The following RTL9 variants were observed in gnomAD, a reference collection of about 807,000 sequenced individuals.
The protein encoded by RTL9 is retrotransposon Gag like 9.
A neutral mutation model predicts 44.7 loss-of-function variants in RTL9; 19 were observed. That is an observed-to-expected ratio of 0.42 (90% CI 0.30 to 0.62). RTL9 has a LOEUF of 0.62. Ranked by LOEUF, RTL9 falls within the 20% of genes least tolerant of loss-of-function variation. The pLI is 0.16. For missense variants in RTL9, 1,105 were observed against 1,080.6 expected, an observed-to-expected ratio of 1.02 and a Z score of -0.32; for synonymous variants, 407 against 398.9, an observed-to-expected ratio of 1.02 and a Z score of -0.24.
At chrX:110,455,514 C>T in exon 2 of RTL9, 2 of 440,400 alleles carry the variant, frequency 4.5e-6, no homozygotes, top group South Asian at 8.2e-5. Flanking sequence ...CTAAGACCTG[C>T]CCTGACAATC....
intron 1 of RTL9, among the ~76,000 whole-genome samples, chrX:110,387,918 G>A (rs1247108766): frequency 9.7e-6 from 1 of 102,586 alleles, no homozygotes; most frequent in African/African-American, 3.6e-5. Flanking sequence ...CTGGAGTGCG[G>A]TGGTGCGATC....
chrX:110,390,941 A>AT (rs2068489971), intron 1 of RTL9, among the ~76,000 whole-genome samples: 1 of 111,047 alleles, frequency 9.0e-6, no homozygotes, highest in Non-Finnish European at 1.9e-5. Context: ...TCTCATACCC[A>AT]TTTTTTGTCA....
chrX:110,431,908 T>C (rs751025929), intron 1 of RTL9, among the ~76,000 whole-genome samples: 2 of 111,222 alleles, frequency 1.8e-5, no homozygotes, highest in East Asian at 5.7e-4. Flanking sequence ...TAGGTGAGAG[T>C]TGACACTGTC....
At chrX:110,388,440 T>C (rs1459480750) in intron 1 of RTL9, among the ~76,000 whole-genome samples, 2 of 111,833 alleles carry the variant, frequency 1.8e-5, no homozygotes, top group Non-Finnish European at 3.8e-5. Flanking sequence ...GGCAGCTGCT[T>C]GGCATAGATA....
At chrX:110,406,325 C>T (rs1431946362) in intron 1 of RTL9, among the ~76,000 whole-genome samples, 1 of 105,435 alleles carries the variant, frequency 9.5e-6, no homozygotes, top group African/African-American at 3.5e-5. Context: ...TCTCATTGTT[C>T]AACTCCCACT....
At chrX:110,382,014 A>T (rs938166894) in intron 1 of RTL9, among the ~76,000 whole-genome samples, 8 of 111,399 alleles carry the variant, frequency 7.2e-5, no homozygotes, top group Non-Finnish European at 1.3e-4. Flanking sequence ...AATAAAAATT[A>T]AAAAAAATTT....
intron 1 of RTL9, among the ~76,000 whole-genome samples, chrX:110,444,821 C>T (rs1419225990): frequency 1.8e-5 from 2 of 112,109 alleles, no homozygotes; most frequent in Admixed American, 9.4e-5. Flanking sequence ...AGAATCTCTC[C>T]GAGGATTGAC....
At chrX:110,382,498 A>G (rs920791723) in intron 1 of RTL9, among the ~76,000 whole-genome samples, 12 of 111,466 alleles carry the variant, frequency 1.1e-4, no homozygotes, top group African/African-American at 3.9e-4. Context: ...AACTAAAAGG[A>G]AAAATAGAAA....
At chrX:110,447,015 C>T (rs2068911565), upstream of RTL9, among the ~76,000 whole-genome samples, 1 of 108,928 alleles carries the variant, frequency 9.2e-6, no homozygotes, top group South Asian at 4.0e-4. Flanking sequence ...AGCACAGGGC[C>T]TGGCACAGTA....
intron 1 of RTL9, among the ~76,000 whole-genome samples, chrX:110,427,279 C>G (rs1426828470): frequency 8.9e-6 from 1 of 112,049 alleles, no homozygotes; most frequent in African/African-American, 3.2e-5. Flanking sequence ...TTTCACACCT[C>G]CATCCCCTCC....
At chrX:110,403,192 A>AC (rs2068576456) in intron 1 of RTL9, among the ~76,000 whole-genome samples, 1 of 111,115 alleles carries the variant, frequency 9.0e-6, no homozygotes, top group Non-Finnish European at 1.9e-5. Context: ...GAGATGTGAC[A>AC]CCCCCCAGCC....
intron 1 of RTL9, among the ~76,000 whole-genome samples, chrX:110,398,453 A>G (rs1256479393): frequency 8.9e-6 from 1 of 112,539 alleles, no homozygotes; most frequent in African/African-American, 3.2e-5. Context: ...ATACTTTTAG[A>G]TTTACAGGAC....
At chrX:110,405,789 G>A (rs749551938) in intron 1 of RTL9, among the ~76,000 whole-genome samples, 11 of 111,823 alleles carry the variant, frequency 9.8e-5, no homozygotes, top group Non-Finnish European at 1.3e-4. Flanking sequence ...CACCCAGCTA[G>A]TAAGTGGAGG....
chrX:110,452,524 C>T, exon 1 of RTL9: 1 of 1,211,760 alleles, frequency 8.3e-7, no homozygotes, highest in Non-Finnish European at 1.1e-6. Flanking sequence ...ACAACCACAG[C>T]TTCTGAAGCA....
At chrX:110,401,973 T>C (rs987470405) in intron 1 of RTL9, among the ~76,000 whole-genome samples, 2 of 112,269 alleles carry the variant, frequency 1.8e-5, no homozygotes, top group African/African-American at 6.5e-5. Context: ...GTTTCTCTTT[T>C]CCTCTTCTCA....
intron 1 of RTL9, among the ~76,000 whole-genome samples, chrX:110,422,755 T>G (rs1036836446): frequency 8.9e-6 from 1 of 112,109 alleles, no homozygotes; most frequent in African/African-American, 3.2e-5. Flanking sequence ...CTCTGATGGC[T>G]TTAATTCACA....
chrX:110,359,594 T>A (rs755569621), intron 1 of RTL9, among the ~76,000 whole-genome samples: 2 of 111,689 alleles, frequency 1.8e-5, no homozygotes, highest in South Asian at 7.5e-4. Context: ...TTCTTGTCCA[T>A]TGCACCATCT....
intron 1 of RTL9, among the ~76,000 whole-genome samples, chrX:110,393,500 G>A (rs758596566): frequency 1.8e-5 from 2 of 111,685 alleles, no homozygotes; most frequent in South Asian, 7.7e-4. Context: ...ACACAACCAG[G>A]AAGAGCAGAA....
chrX:110,408,408 C>A (rs773541989), intron 1 of RTL9, among the ~76,000 whole-genome samples: 1 of 112,576 alleles, frequency 8.9e-6, no homozygotes, highest in Admixed American at 9.4e-5. Flanking sequence ...TGTTCTCCAA[C>A]GCCCACGACA....
Sources: allele counts gnomAD v4.1 joint callset (sites outside exome capture counted in the v4.1 genomes callset), GRCh38; gene constraint gnomAD v4.1.1; transcripts MANE v1.5; gene names NCBI Gene and HGNC (gene_info 2026-07-23, HGNC 2026-07-21).